Variants in BTBD9 observed in about 807,000 individuals in gnomAD.
BTBD9 encodes the protein BTB/POZ domain-containing protein 9.
Under a neutral mutation model 64.3 loss-of-function variants are expected in BTBD9, and 49 were observed. The observed-to-expected ratio is 0.76, with a 90% CI of 0.61 to 0.97. The LOEUF is 0.97. Ranked by LOEUF, BTBD9 falls within the 50% of genes least tolerant of loss-of-function variation. The pLI, the probability that BTBD9 is intolerant of heterozygous loss-of-function variation, is 0.00. For missense variants in BTBD9, 598 were observed against 762.1 expected (o/e 0.78, Z 2.53); for synonymous variants, 260 against 274.7 (o/e 0.95, Z 0.53).
intron 7 of BTBD9, among the ~76,000 whole-genome samples, chr6:38,342,535 CAAAAA>C (rs762825969): frequency 2.0e-3 from 107 of 54,864 alleles, no homozygotes; most frequent in African/African-American, 5.4e-3. Context: ...GACTCTGTCT[CAAAAA>C]AAAAAAAAAA....
intron 9 of BTBD9, among the ~76,000 whole-genome samples, chr6:38,236,990 G>A (rs1440456687): frequency 2.6e-5 from 4 of 152,154 alleles, no homozygotes; most frequent in Non-Finnish European, 5.9e-5. Flanking sequence ...GGGGCCCAGG[G>A]GAAGCCTGAT....
chr6:38,178,244 T>C (rs994132358), intron 10 of BTBD9, among the ~76,000 whole-genome samples: 65 of 147,954 alleles, frequency 4.4e-4, no homozygotes, highest in Non-Finnish European at 8.9e-4. Flanking sequence ...TACAAATGGA[T>C]AGGCGGGTGA....
At chr6:38,561,835 T>C (rs993631693) in intron 6 of BTBD9, among the ~76,000 whole-genome samples, 1 of 152,162 alleles carries the variant, frequency 6.6e-6, no homozygotes, top group Non-Finnish European at 1.5e-5. Context: ...CTATGCTCAC[T>C]ACCTGGGTGA....
At chr6:38,253,711 A>G (rs866940136) in intron 9 of BTBD9, among the ~76,000 whole-genome samples, 3 of 152,208 alleles carry the variant, frequency 2.0e-5, no homozygotes, top group Admixed American at 6.5e-5. Flanking sequence ...CTGGAAAGAC[A>G]AATGCATAGT....
chr6:38,274,557 G>A (rs1175262962), intron 8 of BTBD9, among the ~76,000 whole-genome samples: 3 of 152,212 alleles, frequency 2.0e-5, no homozygotes, highest in East Asian at 1.9e-4. Flanking sequence ...GCGTCCCATC[G>A]ATACCTAATT....
intron 6 of BTBD9, among the ~76,000 whole-genome samples, chr6:38,503,695 C>G (rs1772319341): frequency 6.6e-6 from 1 of 152,164 alleles, no homozygotes. Flanking sequence ...AAAACTTACA[C>G]TCCTGGCTCA....
At chr6:38,278,988 A>G (rs1761397583) in intron 8 of BTBD9, among the ~76,000 whole-genome samples, 1 of 152,180 alleles carries the variant, frequency 6.6e-6, no homozygotes, top group South Asian at 2.1e-4. Context: ...TACATTGCTG[A>G]AAGAGGCAGT....
intron 6 of BTBD9, among the ~76,000 whole-genome samples, chr6:38,364,028 G>A (rs1024499685): frequency 6.6e-6 from 1 of 152,118 alleles, no homozygotes; most frequent in Non-Finnish European, 1.5e-5. Context: ...ACACTAGCCA[G>A]GTAAAAGATG....
At chr6:38,421,425 T>C (rs1038561331) in intron 6 of BTBD9, among the ~76,000 whole-genome samples, 5 of 152,212 alleles carry the variant, frequency 3.3e-5, no homozygotes, top group Non-Finnish European at 7.3e-5. Flanking sequence ...GACAAGATTA[T>C]TTTATTCATT....
intron 6 of BTBD9, among the ~76,000 whole-genome samples, chr6:38,507,654 G>C (rs1335137691): frequency 6.6e-6 from 1 of 151,930 alleles, no homozygotes; most frequent in Non-Finnish European, 1.5e-5. Flanking sequence ...CTCTTTTGAT[G>C]TTCCTCTTAC....
chr6:38,524,651 TA>T (rs1773407142), intron 6 of BTBD9, among the ~76,000 whole-genome samples: 1 of 68,350 alleles, frequency 1.5e-5, no homozygotes, highest in African/African-American at 5.6e-5. Flanking sequence ...TCTATCCATT[TA>T]GAAACTGAAA....
chr6:38,577,681 A>T lies in BTBD9; in HGVS notation c.1073T>A (p.Leu358His). 2 of 1,610,432 alleles carry T rather than the reference A, an allele frequency of 1.2e-6. No individual in the cohort carries two copies. The highest frequency in any genetic ancestry group is 1.7e-6 in the Non-Finnish European group (2 of 1,179,564). The change falls in exon 6 of 11, where the codon CTT becomes CAT. Residue 358 changes from leucine (L) to histidine (H), a missense_variant. Coordinates refer to ENST00000481247, the MANE Select transcript of BTBD9 (RefSeq NM_001099272.2). ...SYFIEVSMDELDWVRVIDHSQ... is the reference protein window; with the variant it reads ...SYFIEVSMDEHDWVRVIDHSQ... ...ATGATCTATCACTCTGACCCAATCA[A>T]GTTCATCCATTGACACTTCAATGAA...
intron 6 of BTBD9, among the ~76,000 whole-genome samples, chr6:38,406,991 C>T (rs1360768401): frequency 1.3e-5 from 2 of 152,186 alleles, no homozygotes; most frequent in Non-Finnish European, 2.9e-5. Flanking sequence ...GAAGTGAAGT[C>T]AGAGTTCAAA....
intron 5 of BTBD9, 95 bp from the exon 6 acceptor site, chr6:38,577,814 C>T: frequency 9.2e-7 from 1 of 1,082,002 alleles, no homozygotes; most frequent in Non-Finnish European, 1.3e-6. Context: ...ACAAAAAATA[C>T]AGAATTCACT....
chr6:38,390,735 A>G (rs1225221508), intron 6 of BTBD9, among the ~76,000 whole-genome samples: 1 of 152,234 alleles, frequency 6.6e-6, no homozygotes, highest in African/African-American at 2.4e-5. Flanking sequence ...TCTCATTACA[A>G]AGAGGTAGAT....
intron 6 of BTBD9, among the ~76,000 whole-genome samples, chr6:38,427,078 A>G (rs1232422865): frequency 3.3e-5 from 5 of 151,446 alleles, no homozygotes; most frequent in African/African-American, 4.9e-5. Context: ...CCTGATACCC[A>G]TGTCCATTCT....
intron 6 of BTBD9, among the ~76,000 whole-genome samples, chr6:38,503,531 G>A (rs1008104050): frequency 2.6e-5 from 4 of 152,030 alleles, no homozygotes; most frequent in African/African-American, 4.8e-5. Flanking sequence ...CCCAGAGCCA[G>A]GAGATAGAGG....
At chr6:38,303,706 T>TG (rs1465634311) in intron 7 of BTBD9, among the ~76,000 whole-genome samples, 2 of 151,536 alleles carry the variant, frequency 1.3e-5, no homozygotes, top group African/African-American at 4.8e-5. Flanking sequence ...TCAAACTCTT[T>TG]GGGAAAAAAA....
At chr6:38,324,839 G>C (rs1763361611) in intron 7 of BTBD9, among the ~76,000 whole-genome samples, 1 of 152,160 alleles carries the variant, frequency 6.6e-6, no homozygotes, top group Non-Finnish European at 1.5e-5. Flanking sequence ...GTGCAAAGGA[G>C]ATAGACACAA....
Sources: allele counts gnomAD v4.1 joint callset (sites outside exome capture counted in the v4.1 genomes callset), GRCh38; gene constraint gnomAD v4.1.1; transcripts MANE v1.5; gene names NCBI Gene and HGNC (gene_info 2026-07-23, HGNC 2026-07-21).